Variants in PAQR5 observed in about 807,000 individuals in gnomAD.
PAQR5 encodes the protein progestin and adipoQ receptor family member 5, also known as membrane progestin receptor gamma.
PAQR5 carries 20 observed loss-of-function variants against 34.5 expected under a neutral mutation model. The observed-to-expected ratio is 0.58, with a 90% CI of 0.41 to 0.84. The LOEUF (loss-of-function observed/expected upper bound fraction) is 0.84, where lower values mean the gene tolerates loss of function less well. PAQR5 is among the 40% of genes least tolerant of loss of function. The pLI is 0.00. For missense variants in PAQR5, 378 were observed against 412.7 expected (o/e 0.92, Z 0.73); for synonymous variants, 131 against 155.6 (o/e 0.84, Z 1.18).
rs199754517 is a variant in PAQR5, at chr15:69,403,604, G to C, written c.775G>C (p.Val259Leu). ...YIGHSHQLFHVCVILATHMQM... is the reference protein window; with the variant it reads ...YIGHSHQLFHLCVILATHMQM... ...AGGTCACAGTCACCAGCTGTTTCAC[G>C]TGTGTGTGATCCTGGCCACGCACAT... Residue 259 changes from valine (V) to leucine (L), a missense_variant, in exon 9 of 9, where the codon GTG (valine) becomes CTG (leucine). Coordinates refer to ENST00000395407, the MANE Select transcript of PAQR5 (RefSeq NM_017705.4). 1.9e-6 allele frequency: 3 copies of C among 1,613,928 alleles called. No homozygotes were observed. Among genetic ancestry groups the C allele is most frequent in the East Asian group, 4.5e-5 (2 of 44,894 alleles).
Position 69,388,096 on chromosome 15 carries a change from T to G in PAQR5, c.386-1558T>G, listed in dbSNP as rs182478159. 7.9e-5 allele frequency among the ~76,000 whole-genome samples: 12 copies of G among 152,190 alleles called. No individual in the cohort carries two copies. The East Asian group carries it at 2.3e-3, about 29-fold the overall frequency. ...CTAGTCCACTGAGAGAGCCATTGAT[T>G]CCATCTGGGACTCCCGGCTCCACCC... On this transcript the variant is annotated intron_variant, in intron 5 of 8. Transcript: ENST00000395407.
intron 1 of PAQR5, among the ~76,000 whole-genome samples, chr15:69,324,196 G>T (rs78062638): frequency 3.9e-5 from 6 of 151,908 alleles, no homozygotes; most frequent in Non-Finnish European, 7.4e-5. Context: ...AAGCTGGGAG[G>T]TCACCATGGC....
intron 2 of PAQR5, among the ~76,000 whole-genome samples, chr15:69,340,563 C>T (rs923625296): frequency 2.6e-5 from 4 of 152,150 alleles, no homozygotes; most frequent in South Asian, 2.1e-4. Context: ...AGTTCAGGCA[C>T]GTGTCATTCA....
chr15:69,403,012 T>A (rs900308163), intron 8 of PAQR5, among the ~76,000 whole-genome samples: 1 of 152,214 alleles, frequency 6.6e-6, no homozygotes, highest in African/African-American at 2.4e-5. Flanking sequence ...TAACTGGCAG[T>A]AGGGAGAGGT....
At chr15:69,397,369 C>T in intron 6 of PAQR5, 99 bp from the exon 7 acceptor site, 1 of 821,156 alleles carries the variant, frequency 1.2e-6, no homozygotes, top group Non-Finnish European at 2.2e-6. Flanking sequence ...TGCTTGTCCT[C>T]TGTTGATGAC....
rs550932303 is a variant in PAQR5, at chr15:69,349,887, C to T, written c.-115-10079C>T. Among the ~76,000 whole-genome samples, 4 of 152,154 alleles carry T rather than the reference C, an allele frequency of 2.6e-5. No homozygotes were observed. In the East Asian group the frequency reaches 7.8e-4, roughly 30 times the overall value. ...GAACTCCTGACCTCAAGTGATCGGC[C>T]CGCCTTGGCCTCCCAAAGTGTTGGG... is the stretch of plus-strand genomic sequence containing the variant. On this transcript the variant is annotated intron_variant, in intron 2 of 8. Transcript: ENST00000395407.
At position 69,379,327 on chromosome 15, in the gene PAQR5, G is replaced by A. The variant is rs181004969; in HGVS notation, c.52-556G>A. ...GGCTGCATGGGGGTGGGGGTGACTT[G>A]AGCAGCCGTGCTGTGGGCAGCCACC... On this transcript the variant is annotated intron_variant, in intron 3 of 8. Coordinates refer to ENST00000395407, the MANE Select transcript of PAQR5 (RefSeq NM_017705.4). 7.9e-4 allele frequency: 537 copies of A among 676,218 alleles called. 1 individual carries two copies. In the Middle Eastern group the frequency reaches 0.011, roughly 14 times the overall value. The allele number at this position is 676,218 out of a possible 1,614,324, so 41.9% of individuals were successfully genotyped here. A position where few individuals can be genotyped will look rare whatever the true frequency, so the allele number is the denominator to read the frequency against.
At chr15:69,375,835 T>C (rs1040572953) in intron 3 of PAQR5, among the ~76,000 whole-genome samples, 1 of 152,206 alleles carries the variant, frequency 6.6e-6, no homozygotes, top group African/African-American at 2.4e-5. Context: ...GATCCTACTC[T>C]GCCTCTTCTC....
chr15:69,320,343 T>G (rs988330286), intron 1 of PAQR5, among the ~76,000 whole-genome samples: 110 of 152,186 alleles, frequency 7.2e-4, no homozygotes, highest in African/African-American at 2.5e-3. Context: ...CCCCTTCCCC[T>G]CCCCTGACCC....
intron 1 of PAQR5, among the ~76,000 whole-genome samples, chr15:69,305,228 T>TGTC (rs1383206070): frequency 1.3e-5 from 2 of 152,182 alleles, no homozygotes; most frequent in East Asian, 1.9e-4. Context: ...CAACCAAAAC[T>TGTC]GTCTCCAGAC....
At chr15:69,337,292 T>C (rs950651431) in intron 1 of PAQR5, 49 bp from the exon 2 acceptor site, 1 of 152,266 alleles carries the variant, frequency 6.6e-6, no homozygotes, top group Admixed American at 6.5e-5. Flanking sequence ...TTTATGGCAG[T>C]ATAGTTAATT....
intron 5 of PAQR5, among the ~76,000 whole-genome samples, chr15:69,387,660 G>A (rs1044523663): frequency 5.3e-5 from 8 of 152,198 alleles, no homozygotes; most frequent in African/African-American, 1.9e-4. Flanking sequence ...TCACACAGCT[G>A]TGCATGGCAG....
chr15:69,324,048 G>A (rs1489147028), intron 1 of PAQR5, among the ~76,000 whole-genome samples: 2 of 149,844 alleles, frequency 1.3e-5, no homozygotes, highest in Non-Finnish European at 2.9e-5. Flanking sequence ...TCTGCAATGT[G>A]CTAGGGAATA....
intron 3 of PAQR5, among the ~76,000 whole-genome samples, chr15:69,371,893 A>C (rs1458783987): frequency 1.3e-5 from 2 of 152,202 alleles, no homozygotes; most frequent in African/African-American, 2.4e-5. Flanking sequence ...ATTTCCTATG[A>C]AAAATAGAAT....
intron 4 of PAQR5, among the ~76,000 whole-genome samples, chr15:69,381,012 C>T (rs1162964441): frequency 6.6e-6 from 1 of 152,184 alleles, no homozygotes; most frequent in Non-Finnish European, 1.5e-5. Context: ...TGTTTGGTTC[C>T]AGCAGCCAGC....
chr15:69,358,125 G>A (rs1330987853), intron 2 of PAQR5, among the ~76,000 whole-genome samples: 3 of 152,126 alleles, frequency 2.0e-5, no homozygotes, highest in Non-Finnish European at 4.4e-5. Context: ...GGTAAAGGAG[G>A]AAATTTACTA....
At chr15:69,373,107 T>C (rs924477159) in intron 3 of PAQR5, among the ~76,000 whole-genome samples, 1 of 152,142 alleles carries the variant, frequency 6.6e-6, no homozygotes, top group Non-Finnish European at 1.5e-5. Flanking sequence ...TCTGACCTTA[T>C]TCCATAGTCA....
chr15:69,379,844 C>T, intron 3 of PAQR5, 39 bp from the exon 4 acceptor site: 2 of 1,604,368 alleles, frequency 1.2e-6, no homozygotes, highest in Non-Finnish European at 1.7e-6. Flanking sequence ...GTGCCACCCT[C>T]TGGTCTCACC....
At chr15:69,348,062 A>G (rs2054819658) in intron 2 of PAQR5, among the ~76,000 whole-genome samples, 1 of 152,146 alleles carries the variant, frequency 6.6e-6, no homozygotes, top group South Asian at 2.1e-4. Context: ...TGGACCACCA[A>G]CATCCTTCCC....
Sources: gnomAD v4.1 joint callset for allele counts (sites outside exome capture counted in the v4.1 genomes callset) on GRCh38, gnomAD v4.1.1 for gene constraint, MANE v1.5 for transcripts, NCBI Gene and HGNC (gene_info 2026-07-23, HGNC 2026-07-21) for gene names.